The following LCK variants were observed in gnomAD, a reference collection of about 807,000 sequenced individuals.
LCK encodes the protein tyrosine-protein kinase Lck.
A neutral mutation model predicts 64.6 loss-of-function variants in LCK; 14 were observed. The ratio of observed to expected loss-of-function variants is 0.22; its 90% CI spans 0.14 to 0.34. LCK has a LOEUF of 0.34. Ranked by LOEUF, LCK falls within the 10% of genes least tolerant of loss-of-function variation. LCK has a pLI of 1.00. For missense variants in LCK, 434 were observed against 668.1 expected (o/e 0.65, Z 3.86); for synonymous variants, 277 against 263.6 (o/e 1.05, Z -0.49).
At chr1:32,274,886 C>T in intron 3 of LCK, 68 bp downstream of exon 3, 1 of 1,613,804 alleles carries the variant, frequency 6.2e-7, no homozygotes, top group Middle Eastern at 1.6e-4. Flanking sequence ...TCCACCTCTC[C>T]CCCACCTACT....
intron 1 of LCK, among the ~76,000 whole-genome samples, chr1:32,258,080 C>G (rs1032158819): frequency 1.3e-5 from 2 of 151,580 alleles, no homozygotes; most frequent in African/African-American, 4.9e-5. Flanking sequence ...CCCAGGAGCT[C>G]AAGACCAGCC....
At position 32,275,149 on chromosome 1, in the gene LCK, C is replaced by G. The variant is rs1459808441; in HGVS notation, c.278+66C>G. ...GAGCGGCGATCTCCGCGACCCGCAGCCCTCCTGCGGCCCTTGACCAGCTCG... is the reference window on the plus strand; with the variant it reads ...GAGCGGCGATCTCCGCGACCCGCAGGCCTCCTGCGGCCCTTGACCAGCTCG... On this transcript the variant is annotated intron_variant, in intron 4 of 12. Transcript: ENST00000336890. The surrounding 1 kb of genome is among the most constrained non-coding windows in gnomAD (Gnocchi z 6.9). 6.6e-7 allele frequency: 1 copy of G among 1,503,944 alleles called. No individual in the cohort carries two copies. Among genetic ancestry groups the G allele is most frequent in the Non-Finnish European group, 9.2e-7 (1 of 1,091,394 alleles). 93.2% of individuals were successfully genotyped at this position (1,503,944 alleles called of 1,614,324 possible). A position where few individuals can be genotyped will look rare whatever the true frequency, so the allele number is the denominator to read the frequency against.
chr1:32,276,758 C>G lies in LCK; in HGVS notation c.936C>G (p.Ile312Met), dbSNP rs1640285780. The part of the protein sequence containing the change: ...RLYAVVTQEP[I>M]YIITEYMENG... ...ACGCTGTGGTCACCCAGGAGCCCAT[C>G]TACATCATCACTGAATACATGGAGA... is the stretch of plus-strand genomic sequence containing the variant. Residue 312 changes from isoleucine (I) to methionine (M), a missense_variant, in exon 9 of 13, where the codon ATC becomes ATG. Physicochemically the swap from Ile to Met is conservative, Grantham distance 10. This residue lies in a region of LCK where 201 missense variants were observed against 376.9 expected (regional missense o/e 0.53). Transcript: ENST00000336890. This position sits in a 1 kb window ranked among gnomAD's most constrained non-coding sequence, Gnocchi z 4.6. 1 of 1,611,644 alleles carries G rather than the reference C, an allele frequency of 6.2e-7. No individual in the cohort carries two copies. Among genetic ancestry groups the G allele is most frequent in the African/African-American group, 1.3e-5 (1 of 74,882 alleles).
intron 10 of LCK, 33 bp from the exon 11 acceptor site, chr1:32,279,808 G>T (rs759382137): frequency 1.6e-5 from 26 of 1,613,108 alleles, no homozygotes; most frequent in Non-Finnish European, 2.1e-5. Context: ...AAGACATCTG[G>T]CTCAGGACCG....
chr1:32,271,817 A>G (rs1280761366), intron 1 of LCK, among the ~76,000 whole-genome samples: 1 of 152,220 alleles, frequency 6.6e-6, no homozygotes, highest in South Asian at 2.1e-4. Flanking sequence ...AATAAACTAC[A>G]GCTTCTGCTC....
In LCK at chr1:32,251,897, AGAG is replaced by A. The variant is rs1639515088; in HGVS notation, c.-6+527_-6+529del. ...CAGTGACAAGAATCTCCTGAGAAAG[AGAG>A]AGAGAGAGAGAGAGAGAGAGAGAGA... On this transcript the variant is annotated intron_variant, in intron 1 of 12. Transcript: ENST00000336890. This position sits in a 1 kb window ranked among gnomAD's most constrained non-coding sequence, Gnocchi z 4.0. Among the ~76,000 whole-genome samples the A allele has an allele frequency of 1.9e-4, 1 of 5,254 alleles. No individual in the cohort carries two copies. The highest frequency in any genetic ancestry group is 6.7e-3 in the South Asian group (1 of 150). The allele number at this position is 5,254 out of a possible 152,430, so 3.4% of individuals were successfully genotyped here.
chr1:32,265,969 T>C (rs1018043653), intron 1 of LCK, among the ~76,000 whole-genome samples: 7 of 152,176 alleles, frequency 4.6e-5, no homozygotes, highest in African/African-American at 1.7e-4. Context: ...GGCCTTGTTT[T>C]GAGACAGGGT....
chr1:32,275,161 C>T lies in LCK; in HGVS notation c.278+78C>T. On this transcript the variant is annotated intron_variant, in intron 4 of 12. Coordinates refer to ENST00000336890, the MANE Select transcript of LCK (RefSeq NM_005356.5). This position sits in a 1 kb window ranked among gnomAD's most constrained non-coding sequence, Gnocchi z 6.9. ...CCGCGACCCGCAGCCCTCCTGCGGC[C>T]CTTGACCAGCTCGGGGTGGCCGCCC... 1 of 1,490,126 alleles carries T rather than the reference C, an allele frequency of 6.7e-7. No individual in the cohort carries two copies. Among genetic ancestry groups the T allele is most frequent in the Non-Finnish European group, 9.3e-7 (1 of 1,078,640 alleles). 92.3% of individuals were successfully genotyped at this position (1,490,126 alleles called of 1,614,324 possible). A position where few individuals can be genotyped will look rare whatever the true frequency, so the allele number is the denominator to read the frequency against.
chr1:32,275,443 G>A lies in LCK; in HGVS notation c.377+24G>A. The A allele has an allele frequency of 6.2e-7, 1 of 1,610,690 alleles. No individual in the cohort carries two copies. Among genetic ancestry groups the A allele is most frequent in the Non-Finnish European group, 8.5e-7 (1 of 1,177,206 alleles). ...CCGTAAGTGGGGACCCGTCGTGGGG[G>A]TGGGTAGGAGCAGATCTAGGGATCC... On this transcript the variant is annotated intron_variant, in intron 5 of 12. Coordinates refer to ENST00000336890, the MANE Select transcript of LCK (RefSeq NM_005356.5). The surrounding 1 kb of genome is among the most constrained non-coding windows in gnomAD (Gnocchi z 6.9).
At chr1:32,282,629 C>A (rs1328956192) in intron 12 of LCK, among the ~76,000 whole-genome samples, 1 of 151,912 alleles carries the variant, frequency 6.6e-6, no homozygotes, top group Admixed American at 6.6e-5. Context: ...CATGGTGAAA[C>A]CCTGCCTCTA....
intron 1 of LCK, among the ~76,000 whole-genome samples, chr1:32,271,916 T>C (rs1177733291): frequency 6.6e-6 from 1 of 152,186 alleles, no homozygotes; most frequent in Non-Finnish European, 1.5e-5. Context: ...GAACTCTGTG[T>C]CTAAGTTGAT....
intron 12 of LCK, 37 bp downstream of exon 12, chr1:32,280,247 A>G: frequency 6.2e-7 from 1 of 1,612,136 alleles, no homozygotes; most frequent in Non-Finnish European, 8.5e-7. Context: ...GGGTGATGGG[A>G]AGGGCAAGTC....
At chr1:32,258,976 ATTGTGT>A (rs961691771) in intron 1 of LCK, among the ~76,000 whole-genome samples, 2 of 151,418 alleles carry the variant, frequency 1.3e-5, no homozygotes, top group African/African-American at 4.9e-5. Context: ...GTGAGCCATG[ATTGTGT>A]CACTGCACTC....
chr1:32,280,656 C>G (rs1214558084), intron 12 of LCK, among the ~76,000 whole-genome samples: 2 of 151,808 alleles, frequency 1.3e-5, no homozygotes, highest in African/African-American at 4.8e-5. Context: ...AGGGTTTCAC[C>G]ATGTTAGCCA....
At chr1:32,284,368 TA>T (rs1640556969) in intron 12 of LCK, among the ~76,000 whole-genome samples, 1 of 149,762 alleles carries the variant, frequency 6.7e-6, no homozygotes, top group Non-Finnish European at 1.5e-5. Flanking sequence ...TTTTTATTTT[TA>T]ATTTTTTTGA....
At chr1:32,272,986 G>T (rs141359708) in intron 1 of LCK, among the ~76,000 whole-genome samples, 4 of 149,880 alleles carry the variant, frequency 2.7e-5, no homozygotes, top group Non-Finnish European at 5.9e-5. Flanking sequence ...GTGTGTGGGG[G>T]TGAATGCGTG....
intron 1 of LCK, among the ~76,000 whole-genome samples, chr1:32,254,821 T>G (rs1016909561): frequency 2.6e-5 from 4 of 152,122 alleles, no homozygotes; most frequent in Admixed American, 2.6e-4. Context: ...TGTTTTTGTT[T>G]CTAATTACAA....
chr1:32,262,826 A>G lies in LCK; in HGVS notation c.-6+11455A>G, dbSNP rs566050708. Among the ~76,000 whole-genome samples, 21 of 151,090 alleles carry G rather than the reference A, an allele frequency of 1.4e-4. No homozygotes were observed. The Middle Eastern group carries it at 0.014, about 100-fold the overall frequency. ...AAGAAAATCAAAATTAAAGCTTAAT[A>G]TAAATTTCTCATTGTCTGAAAGAAA... On this transcript the variant is annotated intron_variant, in intron 1 of 12. Coordinates refer to ENST00000336890, the MANE Select transcript of LCK (RefSeq NM_005356.5).
intron 1 of LCK, among the ~76,000 whole-genome samples, chr1:32,271,466 C>G (rs189563458): frequency 1.1e-4 from 17 of 152,176 alleles, no homozygotes; most frequent in Admixed American, 8.5e-4. Context: ...CACTTGAAGC[C>G]AAGAATTTGA....
Sources: allele counts gnomAD v4.1 joint callset (sites outside exome capture counted in the v4.1 genomes callset), GRCh38; gene constraint gnomAD v4.1.1; regional missense constraint gnomAD v4.1.1; non-coding constraint Gnocchi (gnomAD v3.1); transcripts MANE v1.5; gene names NCBI Gene and HGNC (gene_info 2026-07-23, HGNC 2026-07-21).